Variants in SAMMSON observed in about 807,000 individuals in gnomAD.
SAMMSON encodes the protein survival associated mitochondrial melanoma specific oncogenic non-coding RNA, also known as long intergenic non-protein coding RNA 1212.
chr3:70,370,909 G>A (rs1473712613), intron 9 of SAMMSON, among the ~76,000 whole-genome samples: 3 of 152,156 alleles, frequency 2.0e-5, no homozygotes, highest in African/African-American at 7.2e-5. Flanking sequence ...GCTCAGGGGA[G>A]TTTTCCCTAG....
chr3:70,174,204 C>T (rs908812100), intron 4 of SAMMSON, among the ~76,000 whole-genome samples: 1 of 151,992 alleles, frequency 6.6e-6, no homozygotes, highest in Non-Finnish European at 1.5e-5. Context: ...AACCACACCT[C>T]TACATCTGAG....
At chr3:70,077,271 A>G (rs1357012132) in intron 4 of SAMMSON, among the ~76,000 whole-genome samples, 1 of 152,128 alleles carries the variant, frequency 6.6e-6, no homozygotes, top group Non-Finnish European at 1.5e-5. Flanking sequence ...CAAGATTTAT[A>G]TTCATTTTCT....
intron 4 of SAMMSON, among the ~76,000 whole-genome samples, chr3:70,087,251 A>G (rs1019900993): frequency 6.6e-6 from 1 of 152,154 alleles, no homozygotes; most frequent in Non-Finnish European, 1.5e-5. Flanking sequence ...ATTGTCTTCT[A>G]TTTTGACCAA....
intron 4 of SAMMSON, among the ~76,000 whole-genome samples, chr3:70,145,941 A>G (rs1201111825): frequency 6.6e-6 from 1 of 152,026 alleles, no homozygotes; most frequent in African/African-American, 2.4e-5. Context: ...TATCAATAAA[A>G]TTGACAATCC....
intron 6 of SAMMSON, among the ~76,000 whole-genome samples, chr3:70,261,596 A>T (rs948039586): frequency 6.6e-6 from 1 of 152,126 alleles, no homozygotes; most frequent in Non-Finnish European, 1.5e-5. Flanking sequence ...TTTCCCTGAC[A>T]TCCCTGCCTG....
At chr3:70,212,748 A>G (rs1437026543) in intron 4 of SAMMSON, among the ~76,000 whole-genome samples, 2 of 152,044 alleles carry the variant, frequency 1.3e-5, no homozygotes, top group Admixed American at 1.3e-4. Context: ...ACACACACAC[A>G]CAAGTATTAA....
chr3:70,012,733 G>A (rs2066963117), intron 2 of SAMMSON: 1 of 152,154 alleles, frequency 6.6e-6, no homozygotes, highest in African/African-American at 2.4e-5. Context: ...AGTGAAATCA[G>A]AAGACATGAA....
chr3:70,413,174 C>A (rs13076064), intron 2 of SAMMSON, among the ~76,000 whole-genome samples: 99,466 of 151,818 alleles, frequency 0.66, 32,741 homozygotes, highest in South Asian at 0.7. Flanking sequence ...TAACTTGAAA[C>A]GCCTCTTTTA....
chr3:70,157,184 A>G (rs1457092980), intron 4 of SAMMSON, among the ~76,000 whole-genome samples: 6 of 152,080 alleles, frequency 3.9e-5, no homozygotes, highest in Non-Finnish European at 7.4e-5. Flanking sequence ...TTATTCCACA[A>G]TCTCTGAGCA....
At chr3:70,383,155 T>C (rs902324010) in intron 9 of SAMMSON, among the ~76,000 whole-genome samples, 5 of 152,094 alleles carry the variant, frequency 3.3e-5, no homozygotes, top group Admixed American at 2.6e-4. Context: ...TAGTTTTTCA[T>C]CTACTTTTTA....
At chr3:70,010,744 T>C (rs1273521224) in intron 1 of SAMMSON, among the ~76,000 whole-genome samples, 7 of 152,156 alleles carry the variant, frequency 4.6e-5, no homozygotes, top group Admixed American at 4.6e-4. Context: ...AGAGGCTTAA[T>C]TGACTCACAG....
At chr3:70,112,207 T>C (rs1181358164) in intron 4 of SAMMSON, among the ~76,000 whole-genome samples, 1 of 151,962 alleles carries the variant, frequency 6.6e-6, no homozygotes, top group African/African-American at 2.4e-5. Context: ...AGATTACATA[T>C]AAAGGAGCAG....
intron 7 of SAMMSON, among the ~76,000 whole-genome samples, chr3:70,309,217 G>A (rs1702434508): frequency 6.6e-6 from 1 of 152,126 alleles, no homozygotes; most frequent in South Asian, 2.1e-4. Flanking sequence ...TGCCACTTAA[G>A]AGCCCTGCAA....
intron 2 of SAMMSON, among the ~76,000 whole-genome samples, chr3:70,409,465 T>TA (rs78087148): frequency 0.03 from 4,209 of 142,144 alleles, 210 homozygotes; most frequent in African/African-American, 0.1. Flanking sequence ...AGGCTTTGCT[T>TA]AAAAAAAAAA....
chr3:70,378,599 T>G (rs1255569207), intron 9 of SAMMSON, among the ~76,000 whole-genome samples: 1 of 152,160 alleles, frequency 6.6e-6, no homozygotes, highest in Non-Finnish European at 1.5e-5. Flanking sequence ...TCTATTTTAT[T>G]ATAACAGTAC....
At chr3:70,391,215 T>C (rs1036681492), downstream of SAMMSON, among the ~76,000 whole-genome samples, 4 of 152,146 alleles carry the variant, frequency 2.6e-5, no homozygotes, top group Non-Finnish European at 5.9e-5. Context: ...GAAAAGCAAA[T>C]CTCTGTTGCT....
At chr3:70,224,233 C>A (rs897708406) in intron 4 of SAMMSON, among the ~76,000 whole-genome samples, 1 of 152,066 alleles carries the variant, frequency 6.6e-6, no homozygotes, top group Non-Finnish European at 1.5e-5. Flanking sequence ...ATTCGAAGTC[C>A]CAGCCAAGGT....
intron 4 of SAMMSON, among the ~76,000 whole-genome samples, chr3:70,082,821 A>G (rs2067271755): frequency 6.6e-6 from 1 of 152,228 alleles, no homozygotes; most frequent in Admixed American, 6.5e-5. Flanking sequence ...TACTGGTTTT[A>G]AAGTAACTCA....
intron 4 of SAMMSON, among the ~76,000 whole-genome samples, chr3:70,154,158 A>G (rs1438415707): frequency 6.6e-6 from 1 of 151,952 alleles, no homozygotes; most frequent in African/African-American, 2.4e-5. Flanking sequence ...TTTAAATCAG[A>G]AAAATGTATT....
Sources: gnomAD v4.1 joint callset for allele counts (sites outside exome capture counted in the v4.1 genomes callset) on GRCh38, gnomAD v4.1.1 for gene constraint, MANE v1.5 for transcripts, NCBI Gene and HGNC (gene_info 2026-07-23, HGNC 2026-07-21) for gene names.